Variants in NUCB2 observed in about 807,000 individuals in gnomAD.
The protein encoded by NUCB2 is nucleobindin 2.
A neutral mutation model predicts 57.9 loss-of-function variants in NUCB2; 48 were observed. That is an observed-to-expected ratio of 0.83 (90% CI 0.66 to 1.05). NUCB2 has a LOEUF of 1.05. NUCB2 is among the 50% of genes least tolerant of loss of function. The pLI is 0.00. For missense variants in NUCB2, 442 were observed against 476.2 expected, an observed-to-expected ratio of 0.93 and a Z score of 0.67; for synonymous variants, 139 against 152.1, an observed-to-expected ratio of 0.91 and a Z score of 0.64.
Position 17,296,173 on chromosome 11 carries a change from A to G in NUCB2, c.214A>G (p.Arg72Gly). 6.2e-7 allele frequency: 1 copy of G among 1,611,588 alleles called. No individual in the cohort carries two copies. Among genetic ancestry groups the G allele is most frequent in the Non-Finnish European group, 8.5e-7 (1 of 1,178,430 alleles). Residue 72 changes from arginine to glycine, a missense_variant, in exon 4 of 14, where the codon AGA (arginine) becomes GGA (glycine). Arg to Gly is a moderately radical substitution (Grantham distance 125, BLOSUM62 -2). Coordinates refer to ENST00000529010, the MANE Select transcript of NUCB2 (RefSeq NM_005013.4). ...IDVLETDKHFREKLQKADIEE... is the reference protein window; with the variant it reads ...IDVLETDKHFGEKLQKADIEE... ...TGTGCTGGAAACAGATAAACACTTC[A>G]GAGAAAAGCTCCAGAAAGCAGACAT... is the stretch of plus-strand genomic sequence containing the variant.
intron 10 of NUCB2, among the ~76,000 whole-genome samples, chr11:17,313,000 C>A (rs1267018001): frequency 1.3e-5 from 2 of 148,468 alleles, no homozygotes; most frequent in Admixed American, 6.7e-5. Flanking sequence ...CATGAGCCGC[C>A]GCACCAGGCC....
chr11:17,310,723 C>T (rs367563869), intron 6 of NUCB2, 102 bp from the exon 7 acceptor site: 39 of 848,248 alleles, frequency 4.6e-5, no homozygotes, highest in African/African-American at 1.3e-4. Context: ...TTTGCCCTCC[C>T]GTACCACTTC....
chr11:17,282,236 C>CTA (rs71457870), intron 1 of NUCB2, among the ~76,000 whole-genome samples: 10,649 of 103,120 alleles, frequency 0.1, 701 homozygotes, highest in Non-Finnish European at 0.16. Flanking sequence ...ATCTATCTAT[C>CTA]TATATATATA....
chr11:17,285,867 C>T (rs1591216084), intron 2 of NUCB2, among the ~76,000 whole-genome samples: 1 of 151,374 alleles, frequency 6.6e-6, no homozygotes, highest in East Asian at 1.9e-4. Context: ...TTTTTAACCA[C>T]TTCCAGGATA....
chr11:17,343,658 A>T (rs1952477039), intron 2 of NUCB2, among the ~76,000 whole-genome samples: 1 of 152,112 alleles, frequency 6.6e-6, no homozygotes, highest in Non-Finnish European at 1.5e-5. Context: ...TAAAGTAGTG[A>T]TATATAGATG....
Position 17,330,825 on chromosome 11 carries a change from T to G in NUCB2, c.1174-77T>G. The G allele has an allele frequency of 1.2e-6, 1 of 868,970 alleles. No homozygotes were observed. Among genetic ancestry groups the G allele is most frequent in the Non-Finnish European group, 1.9e-6 (1 of 518,932 alleles). The allele number at this position is 868,970 out of a possible 1,614,324, so 53.8% of individuals were successfully genotyped here. On this transcript the variant is annotated intron_variant, in intron 12 of 13. Coordinates refer to ENST00000529010, the MANE Select transcript of NUCB2 (RefSeq NM_005013.4). The surrounding 1 kb of genome is among the most constrained non-coding windows in gnomAD (Gnocchi z 4.3). ...TTTTAGAAAACAATTTTCATTTACTTTGTTGTGCTTTGTCAAAGGTCACAC... is the reference window on the plus strand; with the variant it reads ...TTTTAGAAAACAATTTTCATTTACTGTGTTGTGCTTTGTCAAAGGTCACAC...
intron 4 of NUCB2, among the ~76,000 whole-genome samples, chr11:17,296,680 A>G (rs1187731131): frequency 6.6e-6 from 1 of 152,160 alleles, no homozygotes; most frequent in Non-Finnish European, 1.5e-5. Context: ...CAAAGGTGCA[A>G]TGGTACAGAG....
intron 2 of NUCB2, among the ~76,000 whole-genome samples, chr11:17,290,229 T>A (rs1944689233): frequency 6.6e-6 from 1 of 152,240 alleles, no homozygotes; most frequent in Non-Finnish European, 1.5e-5. Flanking sequence ...GCTTACAAAA[T>A]AACTTTTCAT....
intron 2 of NUCB2, chr11:17,286,566 T>G (rs545644209): frequency 8.9e-4 from 136 of 152,326 alleles, no homozygotes; most frequent in African/African-American, 3.2e-3. Context: ...GAGAGTAAAT[T>G]ATCAGCCTGT....
At chr11:17,297,448 G>A (rs1252927550) in intron 4 of NUCB2, among the ~76,000 whole-genome samples, 1 of 152,086 alleles carries the variant, frequency 6.6e-6, no homozygotes, top group African/African-American at 2.4e-5. Context: ...CTGGGGAAAA[G>A]GTAATAGTGT....
At chr11:17,310,630 G>A (rs1187251548) in intron 6 of NUCB2, among the ~76,000 whole-genome samples, 195 bp from the exon 7 acceptor site, 2 of 148,516 alleles carry the variant, frequency 1.3e-5, no homozygotes, top group Non-Finnish European at 3.0e-5. Flanking sequence ...TGGGTGACGG[G>A]TGAAACTCCG....
intron 5 of NUCB2, 60 bp from the exon 6 acceptor site, chr11:17,309,512 A>C: frequency 1.0e-6 from 1 of 962,952 alleles, no homozygotes; most frequent in African/African-American, 1.7e-5. Flanking sequence ...TCTTGTGTAT[A>C]ATTATTATGT....
At chr11:17,279,058 T>G (rs1941973697) in intron 1 of NUCB2, among the ~76,000 whole-genome samples, 1 of 152,122 alleles carries the variant, frequency 6.6e-6, no homozygotes, top group Non-Finnish European at 1.5e-5. Context: ...CCAGACGTAG[T>G]GGCGGGCATC....
chr11:17,293,558 G>T (rs1260629061), intron 2 of NUCB2, among the ~76,000 whole-genome samples: 4 of 152,096 alleles, frequency 2.6e-5, no homozygotes, highest in Middle Eastern at 3.2e-3. Context: ...ATAACCAAAA[G>T]AATTGAAAAC....
At chr11:17,336,493 G>T (rs1263830140), downstream of NUCB2, among the ~76,000 whole-genome samples, 3 of 151,528 alleles carry the variant, frequency 2.0e-5, no homozygotes, top group Admixed American at 6.6e-5. Flanking sequence ...TAAAAAATAC[G>T]CCTGTAATCC....
downstream of NUCB2, chr11:17,333,093 G>T (rs1463071206): frequency 6.6e-6 from 1 of 152,148 alleles, no homozygotes; most frequent in Non-Finnish European, 1.5e-5. Flanking sequence ...AGTACCACTT[G>T]GCAAAAATAA....
At chr11:17,297,559 T>C (rs1328756388) in intron 4 of NUCB2, among the ~76,000 whole-genome samples, 3 of 152,238 alleles carry the variant, frequency 2.0e-5, no homozygotes, top group Non-Finnish European at 2.9e-5. Context: ...TGAATATATC[T>C]GATGTAGAAC....
chr11:17,336,547 G>A (rs557185001), downstream of NUCB2, among the ~76,000 whole-genome samples: 17 of 151,736 alleles, frequency 1.1e-4, no homozygotes, highest in African/African-American at 3.4e-4. Flanking sequence ...GAGGTCAGGA[G>A]ATCGAGACCA....
intron 11 of NUCB2, among the ~76,000 whole-genome samples, chr11:17,325,369 T>C (rs1031462224): frequency 6.6e-6 from 1 of 152,228 alleles, no homozygotes; most frequent in Non-Finnish European, 1.5e-5. Context: ...GGTGCTCTAG[T>C]GTTGGGTGCA....
Sources: allele counts gnomAD v4.1 joint callset (sites outside exome capture counted in the v4.1 genomes callset), GRCh38; gene constraint gnomAD v4.1.1; non-coding constraint Gnocchi (gnomAD v3.1); transcripts MANE v1.5; gene names NCBI Gene and HGNC (gene_info 2026-07-23, HGNC 2026-07-21).